The following PDE1C variants were observed in gnomAD, a reference collection of about 807,000 sequenced individuals.
PDE1C encodes phosphodiesterase 1C.
A neutral mutation model predicts 93.1 loss-of-function variants in PDE1C; 62 were observed. The ratio of observed to expected loss-of-function variants is 0.67; its 90% CI spans 0.54 to 0.82. PDE1C has a LOEUF of 0.82. PDE1C is among the 40% of genes least tolerant of loss of function. The pLI, the probability that PDE1C is intolerant of heterozygous loss-of-function variation, is 0.00. For missense variants in PDE1C, 742 were observed against 884.6 expected (o/e 0.84, Z 2.04); for synonymous variants, 325 against 310.1 (o/e 1.05, Z -0.50).
intron 1 of PDE1C, among the ~76,000 whole-genome samples, chr7:32,066,916 C>T (rs546386041): frequency 2.6e-5 from 4 of 152,304 alleles, no homozygotes; most frequent in South Asian, 2.1e-4. Flanking sequence ...ATTAAGAAAG[C>T]TCAGGTGTGC....
intron 2 of PDE1C, among the ~76,000 whole-genome samples, chr7:32,044,401 G>T (rs188114115): frequency 6.6e-5 from 10 of 152,296 alleles, no homozygotes; most frequent in Admixed American, 6.5e-4. Flanking sequence ...TTAGGTGGAA[G>T]CAAGTGTAGG....
chr7:31,917,078 A>T (rs557077559), intron 2 of PDE1C, among the ~76,000 whole-genome samples: 1 of 152,298 alleles, frequency 6.6e-6, no homozygotes, highest in Non-Finnish European at 1.5e-5. Context: ...AAAATGAGGC[A>T]GTACCCCTGG....
At chr7:31,749,482 T>G (rs1794075182), downstream of PDE1C, among the ~76,000 whole-genome samples, 1 of 152,156 alleles carries the variant, frequency 6.6e-6, no homozygotes, top group Non-Finnish European at 1.5e-5. Flanking sequence ...TTTGTCAGGG[T>G]GAGCTCACAT....
chr7:32,002,460 C>CAAATAAT (rs1192852612), intron 2 of PDE1C, among the ~76,000 whole-genome samples: 3 of 152,148 alleles, frequency 2.0e-5, no homozygotes, highest in African/African-American at 7.2e-5. Flanking sequence ...GCCTCAGTTT[C>CAAATAAT]CTCATCTGTG....
chr7:32,030,562 C>T (rs950079386), intron 2 of PDE1C, among the ~76,000 whole-genome samples: 7 of 151,906 alleles, frequency 4.6e-5, no homozygotes, highest in Non-Finnish European at 7.4e-5. Context: ...GACACATTAC[C>T]GCCAAAATAA....
chr7:31,915,467 C>T (rs563411232), intron 2 of PDE1C, among the ~76,000 whole-genome samples: 1 of 152,274 alleles, frequency 6.6e-6, no homozygotes, highest in East Asian at 1.9e-4. Flanking sequence ...TGCCCAAATG[C>T]CAGTGTTAAT....
chr7:31,824,600 C>T (rs1789423510), intron 13 of PDE1C, among the ~76,000 whole-genome samples: 1 of 152,044 alleles, frequency 6.6e-6, no homozygotes, highest in African/African-American at 2.4e-5. Flanking sequence ...AGCAGGTAAA[C>T]ATGCAGCAAA....
chr7:31,629,870 G>A, the PDE1C span, among the ~76,000 whole-genome samples: 1 of 152,288 alleles, frequency 6.6e-6, no homozygotes, highest in South Asian at 2.1e-4. Context: ...ATGTACACCA[G>A]CGTACTGAAT....
At chr7:31,644,007 C>T in the PDE1C span, 1 of 1,468,176 alleles carries the variant, frequency 6.8e-7, no homozygotes, top group Non-Finnish European at 9.1e-7. Flanking sequence ...TGATAAACAC[C>T]TCAGGGATAA....
chr7:32,098,641 G>A lies in PDE1C; in HGVS notation c.308+71144C>T, dbSNP rs186332830. 2.5e-3 allele frequency among the ~76,000 whole-genome samples: 386 copies of A among 152,242 alleles called. 5 individuals are homozygous for A. The highest frequency in any genetic ancestry group is 6.8e-3 in the Middle Eastern group (2 of 294). On this transcript the variant is annotated intron_variant, in intron 3 of 18. Coordinates refer to the PDE1C transcript ENST00000396193. ...GCTCTTACTCTTTTTACTTTATTAC[G>A]TTGGAGATATTTAGCTGAACAAAGT...
At chr7:31,772,041 G>A (rs1471994727) in intron 17 of PDE1C, among the ~76,000 whole-genome samples, 10 of 112,822 alleles carry the variant, frequency 8.9e-5, no homozygotes, top group Admixed American at 1.9e-4. Context: ...GCGGGACTCC[G>A]TCTCAAAAAA....
chr7:31,850,775 G>T, intron 7 of PDE1C, 34 bp from the exon 8 acceptor site: 1 of 1,471,962 alleles, frequency 6.8e-7, no homozygotes, highest in Non-Finnish European at 9.5e-7. Context: ...CAGATAATCT[G>T]TTTCTTTCTC....
At chr7:32,413,437 T>G (rs973118204) in intron 1 of PDE1C, among the ~76,000 whole-genome samples, 1 of 152,330 alleles carries the variant, frequency 6.6e-6, no homozygotes, top group Non-Finnish European at 1.5e-5. Flanking sequence ...CAGATGAATC[T>G]TTGAGACATT....
At chr7:31,836,849 A>G (rs1791179041) in intron 11 of PDE1C, among the ~76,000 whole-genome samples, 1 of 152,152 alleles carries the variant, frequency 6.6e-6, no homozygotes, top group Admixed American at 6.5e-5. Context: ...CCATAGGGTG[A>G]TGCCAAAGTA....
rs138717581 is a variant in PDE1C at position 32,097,725 on chromosome 7, A to C, written c.308+72060T>G. On this transcript the variant is annotated intron_variant, in intron 3 of 18. Coordinates refer to the PDE1C transcript ENST00000396193. Reference sequence around the variant, plus strand: ...AGCCTCCCAGCTAGCCTCAGCCAACACTGATAAAAATGTGTAACTGAGACT... The same window carrying C: ...AGCCTCCCAGCTAGCCTCAGCCAACCCTGATAAAAATGTGTAACTGAGACT... Among the ~76,000 whole-genome samples, 192 of 152,334 alleles carry C rather than the reference A, an allele frequency of 1.3e-3. 2 individuals carry two copies. Among genetic ancestry groups the C allele is most frequent in the African/African-American group, 4.5e-3 (185 of 41,568 alleles).
At chr7:31,907,758 T>C (rs981174806) in intron 2 of PDE1C, among the ~76,000 whole-genome samples, 3 of 152,168 alleles carry the variant, frequency 2.0e-5, no homozygotes, top group Admixed American at 6.5e-5. Flanking sequence ...ATATCTCGTA[T>C]ATGAAGCCAT....
the PDE1C span, chr7:31,652,600 A>C: frequency 1.2e-6 from 2 of 1,613,234 alleles, no homozygotes; most frequent in Non-Finnish European, 1.7e-6. Flanking sequence ...AGCAATGGGC[A>C]GACTTCATGT....
intron 1 of PDE1C, among the ~76,000 whole-genome samples, chr7:32,377,032 C>T (rs943185259): frequency 6.6e-6 from 1 of 152,128 alleles, no homozygotes; most frequent in African/African-American, 2.4e-5. Flanking sequence ...ATCCCTCCAC[C>T]ATGTGTACTC....
intron 2 of PDE1C, among the ~76,000 whole-genome samples, chr7:32,171,142 T>G (rs543528170): frequency 7.2e-5 from 11 of 152,230 alleles, no homozygotes; most frequent in Non-Finnish European, 4.4e-5. Flanking sequence ...TCCTGGGAAC[T>G]GTGGGTAATA....
Sources: allele counts gnomAD v4.1 joint callset (sites outside exome capture counted in the v4.1 genomes callset), GRCh38; gene constraint gnomAD v4.1.1; transcripts MANE v1.5; gene names NCBI Gene and HGNC (gene_info 2026-07-23, HGNC 2026-07-21).